Variants in TRHDE observed in about 807,000 individuals in gnomAD.
TRHDE encodes the protein thyrotropin-releasing hormone-degrading ectoenzyme.
A neutral mutation model predicts 125.7 loss-of-function variants in TRHDE; 72 were observed. The ratio of observed to expected loss-of-function variants is 0.57; its 90% CI spans 0.47 to 0.70. The LOEUF (loss-of-function observed/expected upper bound fraction) is 0.70. TRHDE is among the 30% of genes least tolerant of loss of function. The pLI, the probability that TRHDE is intolerant of heterozygous loss-of-function variation, is 0.00. For missense variants in TRHDE, 1,110 were observed against 1,327.1 expected (o/e 0.84, Z 2.54); for synonymous variants, 509 against 509.1 (o/e 1.00, Z 0.00).
At chr12:72,652,250 CA>C in intron 15 of TRHDE, 71 bp from the exon 16 acceptor site, 1 of 1,187,866 alleles carries the variant, frequency 8.4e-7, no homozygotes, top group Non-Finnish European at 1.1e-6. Context: ...GTAAATAAAG[CA>C]AAACCTGTCT....
intron 15 of TRHDE, among the ~76,000 whole-genome samples, chr12:72,634,395 T>G (rs1223999089): frequency 6.6e-6 from 1 of 152,046 alleles, no homozygotes; most frequent in African/African-American, 2.4e-5. Context: ...TAAGCATTTG[T>G]AAGGCAGAAC....
chr12:72,374,465 A>G (rs1565718047), intron 2 of TRHDE, among the ~76,000 whole-genome samples: 2 of 152,108 alleles, frequency 1.3e-5, no homozygotes, highest in Non-Finnish European at 2.9e-5. Context: ...TGGCATCTAC[A>G]TGACATTTAT....
intron 2 of TRHDE, among the ~76,000 whole-genome samples, chr12:72,313,731 TTCAATTCTGGATTA>T (rs1392595109): frequency 1.3e-5 from 2 of 152,196 alleles, no homozygotes; most frequent in Non-Finnish European, 2.9e-5. Context: ...AAAGCTTTTG[TTCAATTCTGGATTA>T]TCTTTTAAGG....
chr12:72,245,631 G>A (rs2139383580), intron 2 of TRHDE, among the ~76,000 whole-genome samples: 1 of 151,868 alleles, frequency 6.6e-6, no homozygotes, highest in Admixed American at 6.6e-5. Flanking sequence ...TTATGCAGGT[G>A]TGTTTATACA....
intron 2 of TRHDE, among the ~76,000 whole-genome samples, chr12:72,216,801 G>C (rs1365932023): frequency 2.0e-5 from 3 of 152,050 alleles, no homozygotes; most frequent in Admixed American, 2.0e-4. Flanking sequence ...TTTCACTTCA[G>C]AAAGGTTGAG....
At chr12:72,149,096 T>A (rs1300591499) in intron 2 of TRHDE, among the ~76,000 whole-genome samples, 1 of 150,552 alleles carries the variant, frequency 6.6e-6, no homozygotes, top group East Asian at 1.9e-4. Flanking sequence ...TCTAACATGA[T>A]TTTTTTTTTC....
intron 5 of TRHDE, among the ~76,000 whole-genome samples, chr12:72,477,160 T>A (rs150483043): frequency 0.019 from 2,869 of 152,244 alleles, 85 homozygotes; most frequent in African/African-American, 0.066. Context: ...ACTTATGAGG[T>A]CTTTGAAATG....
chr12:72,368,504 A>G (rs917067057), intron 2 of TRHDE, among the ~76,000 whole-genome samples: 11 of 152,152 alleles, frequency 7.2e-5, no homozygotes, highest in Non-Finnish European at 1.6e-4. Context: ...CTGAGTCACC[A>G]TCTCTTTAGA....
chr12:72,142,249 T>C (rs891470446), intron 2 of TRHDE, among the ~76,000 whole-genome samples: 3 of 152,138 alleles, frequency 2.0e-5, no homozygotes, highest in African/African-American at 4.8e-5. Context: ...TTAAAGGCTC[T>C]TTTCTCTCTC....
At chr12:72,331,673 A>C (rs908233630) in intron 2 of TRHDE, among the ~76,000 whole-genome samples, 1 of 152,106 alleles carries the variant, frequency 6.6e-6, no homozygotes, top group Non-Finnish European at 1.5e-5. Context: ...AAAAGGAATG[A>C]GTTGTGGGGC....
At position 72,272,663 on chromosome 12, in the gene TRHDE, T is replaced by C; in HGVS notation, c.20T>C (p.Leu7Pro). 2 of 1,223,144 alleles carry C rather than the reference T, an allele frequency of 1.6e-6. No homozygotes were observed. The highest frequency in any genetic ancestry group is 1.7e-5 in the South Asian group (1 of 59,888). 75.8% of individuals were successfully genotyped at this position (1,223,144 alleles called of 1,614,324 possible). MALDGELGEQEEEKKKK... is the reference protein window; with the variant it reads MALDGEPGEQEEEKKKK... Reference sequence around the variant, plus strand: ...GGTGTGATGGCCCTGGACGGCGAGCTGGGGGAGCAAGAGGAGGAGAAGAAA... The same window carrying C: ...GGTGTGATGGCCCTGGACGGCGAGCCGGGGGAGCAAGAGGAGGAGAAGAAA... The change falls in exon 1 of 19, where the codon CTG (leucine) becomes CCG (proline). Residue 7 changes from leucine (L) to proline (P), a missense_variant. Leu to Pro is a moderately conservative substitution (Grantham distance 98). Transcript: ENST00000261180. This position sits in a 1 kb window ranked among gnomAD's most constrained non-coding sequence, Gnocchi z 6.7.
intron 2 of TRHDE, among the ~76,000 whole-genome samples, chr12:72,187,547 T>C (rs1487430560): frequency 6.7e-6 from 1 of 150,338 alleles, no homozygotes; most frequent in Non-Finnish European, 1.5e-5. Context: ...TGGGGCATGA[T>C]GTATCAGTCC....
chr12:72,126,984 CTTAAACAA>C (rs1320983765), intron 2 of TRHDE, among the ~76,000 whole-genome samples: 1 of 152,038 alleles, frequency 6.6e-6, no homozygotes, highest in Non-Finnish European at 1.5e-5. Flanking sequence ...ATCAAAGGAA[CTTAAACAA>C]TTAAACAAGC....
chr12:72,337,154 C>T (rs867560134), intron 2 of TRHDE, among the ~76,000 whole-genome samples: 1 of 152,176 alleles, frequency 6.6e-6, no homozygotes, highest in African/African-American at 2.4e-5. Context: ...AAGCCCACTT[C>T]GCTGCTTGAG....
At chr12:72,431,261 A>G (rs1477899006) in intron 3 of TRHDE, among the ~76,000 whole-genome samples, 1 of 152,156 alleles carries the variant, frequency 6.6e-6, no homozygotes, top group Non-Finnish European at 1.5e-5. Context: ...GACAACTCAG[A>G]AAAGTATAGT....
At chr12:72,359,438 C>G (rs1399498757) in intron 2 of TRHDE, among the ~76,000 whole-genome samples, 1 of 151,578 alleles carries the variant, frequency 6.6e-6, no homozygotes, top group African/African-American at 2.4e-5. Context: ...CACAGAAAAA[C>G]TATTTGAATT....
chr12:72,283,938 A>C (rs1879785827), intron 1 of TRHDE, among the ~76,000 whole-genome samples: 1 of 149,246 alleles, frequency 6.7e-6, no homozygotes, highest in Non-Finnish European at 1.5e-5. Flanking sequence ...ATATTTTTCA[A>C]TTAGACTGCA....
intron 2 of TRHDE, among the ~76,000 whole-genome samples, chr12:72,109,086 A>G (rs1329765514): frequency 3.9e-5 from 6 of 152,060 alleles, no homozygotes; most frequent in Non-Finnish European, 8.8e-5. Context: ...CACAATTATC[A>G]TGTAGTCATT....
At chr12:72,235,232 T>C (rs1351807003) in intron 2 of TRHDE, among the ~76,000 whole-genome samples, 1 of 152,186 alleles carries the variant, frequency 6.6e-6, no homozygotes, top group Non-Finnish European at 1.5e-5. Context: ...GACACAGTTA[T>C]GGGTTAATGA....
Sources: allele counts gnomAD v4.1 joint callset (sites outside exome capture counted in the v4.1 genomes callset), GRCh38; gene constraint gnomAD v4.1.1; non-coding constraint Gnocchi (gnomAD v3.1); transcripts MANE v1.5; gene names NCBI Gene and HGNC (gene_info 2026-07-23, HGNC 2026-07-21).